PRIM2: variants seen among roughly 807,000 people sequenced by gnomAD.
PRIM2 encodes DNA primase large subunit.
In PRIM2, 39 loss-of-function variants were observed where a neutral mutation model predicts 67.3. The ratio of observed to expected loss-of-function variants is 0.58; its 90% CI spans 0.45 to 0.76. The LOEUF (loss-of-function observed/expected upper bound fraction) is 0.76. Ranked by LOEUF, PRIM2 falls within the 30% of genes least tolerant of loss-of-function variation. PRIM2 has a pLI of 0.00. For synonymous variants in PRIM2, 143 were observed against 198.7 expected, an observed-to-expected ratio of 0.72 and a Z score of 2.36; for missense variants, 398 against 598.7, an observed-to-expected ratio of 0.66 and a Z score of 3.50.
chr6:57,325,616 A>AT (rs2127275044), intron 4 of PRIM2, among the ~76,000 whole-genome samples: 1 of 152,334 alleles, frequency 6.6e-6, no homozygotes, highest in South Asian at 2.1e-4. Flanking sequence ...CATAAAATGA[A>AT]TATTTTGCAG....
chr6:57,324,193 T>C lies in PRIM2; in HGVS notation c.259-8T>C, dbSNP rs1027912739. 6.6e-7 allele frequency: 1 copy of C among 1,513,118 alleles called. No homozygotes were observed. Among genetic ancestry groups the C allele is most frequent in the Non-Finnish European group, 9.1e-7 (1 of 1,093,946 alleles). 93.7% of individuals were successfully genotyped at this position (1,513,118 alleles called of 1,614,324 possible). ...CATTTATTTTATTCATGTGTCATTA[T>C]TTTTAAGGAAAACTTAGAAGATGAA... On this transcript the variant is annotated splice_region_variant and splice_polypyrimidine_tract_variant and intron_variant, in intron 3 of 13. Transcript: ENST00000615550.
chr6:57,419,424 C>T (rs1771389457), intron 7 of PRIM2, among the ~76,000 whole-genome samples: 1 of 152,098 alleles, frequency 6.6e-6, no homozygotes, highest in Non-Finnish European at 1.5e-5. Context: ...TTTATAAAGC[C>T]TGTAATGGCA....
rs554194948 is a variant in PRIM2, at chr6:57,368,271, C to G, written c.460-11630C>G. On this transcript the variant is annotated intron_variant, in intron 5 of 13. Transcript: ENST00000615550. The stretch of plus-strand genomic sequence containing the variant: ...TTTAGACCAGTGATGTATGTCGAAC[C>G]ACTAATGGACCTTAAAAAAAAACAT... Among the ~76,000 whole-genome samples, 4 of 151,610 alleles carry G rather than the reference C, an allele frequency of 2.6e-5. No homozygotes were observed. The South Asian group carries it at 8.4e-4, about 32-fold the overall frequency.
chr6:57,261,445 A>G, the PRIM2 span, among the ~76,000 whole-genome samples: 11 of 152,330 alleles, frequency 7.2e-5, no homozygotes, highest in South Asian at 1.9e-3. Flanking sequence ...GGGCCATCCA[A>G]TGGCTGAACT....
At chr6:57,522,716 A>T (rs1774651446) in intron 8 of PRIM2, among the ~76,000 whole-genome samples, 1 of 152,188 alleles carries the variant, frequency 6.6e-6, no homozygotes, top group Admixed American at 6.5e-5. Flanking sequence ...CATTTTATGG[A>T]CTAAGTCTTT....
intron 10 of PRIM2, among the ~76,000 whole-genome samples, chr6:57,557,360 A>G (rs1775534620): frequency 1.3e-5 from 2 of 152,156 alleles, no homozygotes; most frequent in Non-Finnish European, 2.9e-5. Flanking sequence ...AAGACATGGA[A>G]TCACCCTAAG....
the PRIM2 span, among the ~76,000 whole-genome samples, chr6:57,277,127 G>A: frequency 6.6e-6 from 1 of 152,164 alleles, no homozygotes; most frequent in Non-Finnish European, 1.5e-5. Flanking sequence ...AGTACAAGAA[G>A]AGGGAATGCT....
the PRIM2 span, among the ~76,000 whole-genome samples, chr6:57,248,319 C>T: frequency 6.6e-6 from 1 of 152,146 alleles, no homozygotes; most frequent in Non-Finnish European, 1.5e-5. Context: ...TATTAACTTA[C>T]CTAATTGTCT....
At chr6:57,409,138 G>T (rs1164587022) in intron 7 of PRIM2, among the ~76,000 whole-genome samples, 1 of 151,078 alleles carries the variant, frequency 6.6e-6, no homozygotes, top group Non-Finnish European at 1.5e-5. Context: ...TCCAGTTCTT[G>T]GCTATTATGA....
intron 5 of PRIM2, among the ~76,000 whole-genome samples, chr6:57,374,303 A>ATTTATTTATTTAT (rs1554331462): frequency 1.3e-4 from 18 of 139,820 alleles, no homozygotes; most frequent in South Asian, 2.3e-4. Flanking sequence ...TTATTTATTT[A>ATTTATTTATTTAT]TTTTTTTTGA....
chr6:57,646,508 GCC>G lies in PRIM2; in HGVS notation c.*351_*352del. 1 of 186,520 alleles carries G rather than the reference GCC, an allele frequency of 5.4e-6. No individual in the cohort carries two copies. The highest frequency in any genetic ancestry group is 1.1e-5 in the Non-Finnish European group (1 of 93,532). 11.6% of individuals were successfully genotyped at this position (186,520 alleles called of 1,614,324 possible). ...TTACGGTTGTGAGCCACTGTGCCTG[GCC>G]TTTTTTTTTTTTTTAACCTTTTTGT... On this transcript the variant is annotated 3_prime_UTR_variant, in exon 14 of 14. Coordinates refer to ENST00000615550, the MANE Select transcript of PRIM2 (RefSeq NM_000947.5).
intron 7 of PRIM2, 52 bp downstream of exon 7, chr6:57,382,220 A>G (rs777498957): frequency 1.9e-6 from 3 of 1,577,788 alleles, no homozygotes; most frequent in African/African-American, 1.3e-5. Flanking sequence ...TTTCAGTTAT[A>G]TACCCCTGGT....
At chr6:57,383,280 T>C (rs1380468704) in intron 7 of PRIM2, 1 of 152,034 alleles carries the variant, frequency 6.6e-6, no homozygotes, top group Admixed American at 6.6e-5. Flanking sequence ...TATTCACCCA[T>C]ATTCTCTCTG....
At chr6:57,360,449 A>G (rs1016569870) in intron 5 of PRIM2, among the ~76,000 whole-genome samples, 1 of 152,198 alleles carries the variant, frequency 6.6e-6, no homozygotes, top group African/African-American at 2.4e-5. Context: ...AAATCTATGG[A>G]AATTATTTCT....
intron 5 of PRIM2, among the ~76,000 whole-genome samples, chr6:57,326,563 A>G (rs1581792542): frequency 6.6e-6 from 1 of 152,248 alleles, no homozygotes; most frequent in East Asian, 1.9e-4. Flanking sequence ...TCTACAAAAA[A>G]TACAAAAATT....
At chr6:57,240,097 T>G in the PRIM2 span, among the ~76,000 whole-genome samples, 1 of 19,924 alleles carries the variant, frequency 5.0e-5, no homozygotes, top group Admixed American at 4.5e-4. Context: ...ATCTGTTTTT[T>G]TTTTTTTTTT....
chr6:57,643,019 G>C lies in PRIM2; in HGVS notation c.1300-2909G>C, dbSNP rs1166639745. On this transcript the variant is annotated intron_variant, in intron 13 of 13. Transcript: ENST00000615550. ...TGACTCTTTAAAAACATTTTATTTA[G>C]ATTTCATAGAACAATTTTTTTTAAC... Among the ~76,000 whole-genome samples the C allele has an allele frequency of 9.2e-5, 14 of 151,806 alleles. No individual in the cohort carries two copies. The East Asian group carries it at 2.7e-3, about 29-fold the overall frequency.
the PRIM2 span, among the ~76,000 whole-genome samples, chr6:57,280,780 T>G: frequency 1.3e-5 from 2 of 152,234 alleles, no homozygotes; most frequent in African/African-American, 4.8e-5. Flanking sequence ...GTGCTGGGAT[T>G]ACAGGCGTGA....
chr6:57,295,714 T>C, the PRIM2 span, among the ~76,000 whole-genome samples: 2 of 152,236 alleles, frequency 1.3e-5, no homozygotes, highest in South Asian at 4.1e-4. Flanking sequence ...AACTACCAAT[T>C]GCCTGATGCT....
Sources: allele counts gnomAD v4.1 joint callset (sites outside exome capture counted in the v4.1 genomes callset), GRCh38; gene constraint gnomAD v4.1.1; transcripts MANE v1.5; gene names NCBI Gene and HGNC (gene_info 2026-07-23, HGNC 2026-07-21).